The following SMR3A variants were observed in gnomAD, a reference collection of about 807,000 sequenced individuals.
The protein encoded by SMR3A is submaxillary gland androgen-regulated protein 3A.
For missense variants in SMR3A, 188 were observed against 163.0 expected (o/e 1.15, Z -0.84); for synonymous variants, 48 against 57.4 (o/e 0.84, Z 0.74).
In SMR3A at chr4:70,362,133, G is replaced by C. The variant is rs1343405749; in HGVS notation, c.18G>C (p.Trp6Cys). Reference sequence around the variant, plus strand: ...CTGAAAGGATGAAATCACTGACTTGGATCTTGGGCCTTTGGGCTCTTGCAG... The same window carrying C: ...CTGAAAGGATGAAATCACTGACTTGCATCTTGGGCCTTTGGGCTCTTGCAG... MKSLT[W>C]ILGLWALAAC... The change falls in exon 2 of 3, where the codon TGG becomes TGC. Residue 6 changes from tryptophan to cysteine, a missense_variant. Trp to Cys is a radical substitution (Grantham distance 215, BLOSUM62 -2). Transcript: ENST00000226460. 1 of 1,611,834 alleles carries C rather than the reference G, an allele frequency of 6.2e-7. No individual in the cohort carries two copies. The highest frequency in any genetic ancestry group is 8.5e-7 in the Non-Finnish European group (1 of 1,178,380).
intron 2 of SMR3A, among the ~76,000 whole-genome samples, chr4:70,363,033 C>T (rs1302904326): frequency 6.6e-6 from 1 of 151,900 alleles, no homozygotes; most frequent in Non-Finnish European, 1.5e-5. Context: ...CTTTGGCCAC[C>T]TTCCTGCATG....
rs373278324 is a variant in SMR3A at position 70,362,077 on chromosome 4, G to A, written c.-14-25G>A. Reference sequence around the variant, plus strand: ...CTTTTTAATAAAAAACAATCATACTGATCACCTATTGTGCTTACTTTCAGA... The same window carrying A: ...CTTTTTAATAAAAAACAATCATACTAATCACCTATTGTGCTTACTTTCAGA... On this transcript the variant is annotated intron_variant, in intron 1 of 2. Coordinates refer to ENST00000226460, the MANE Select transcript of SMR3A (RefSeq NM_012390.4). 1.5e-5 allele frequency: 24 copies of A among 1,610,318 alleles called. No individual in the cohort carries two copies. The Admixed American group carries it at 2.7e-4, about 18-fold the overall frequency.
At chr4:70,361,986 C>T in intron 1 of SMR3A, 116 bp from the exon 2 acceptor site, 2 of 1,469,016 alleles carry the variant, frequency 1.4e-6, no homozygotes, top group South Asian at 1.4e-5. Context: ...GGCAAATTTC[C>T]TAAAAAGGCT....
chr4:70,367,086 C>T lies in SMR3A; in HGVS notation c.*92C>T. The stretch of plus-strand genomic sequence containing the variant: ...TACTACCCAAAAATAAGAATTTCAA[C>T]ACTACTTCCAAGAGACTTTTAGATA... On this transcript the variant is annotated 3_prime_UTR_variant, in exon 3 of 3. Transcript: ENST00000226460. 9.3e-7 allele frequency: 1 copy of T among 1,080,346 alleles called. No individual in the cohort carries two copies. Among genetic ancestry groups the T allele is most frequent in the Non-Finnish European group, 1.4e-6 (1 of 734,558 alleles). The allele number at this position is 1,080,346 out of a possible 1,614,324, so 66.9% of individuals were successfully genotyped here. A position where few individuals can be genotyped will look rare whatever the true frequency, so the allele number is the denominator to read the frequency against.
intron 2 of SMR3A, among the ~76,000 whole-genome samples, chr4:70,364,211 CAG>C (rs1732211453): frequency 6.6e-6 from 1 of 151,994 alleles, no homozygotes. Context: ...CTTTTATAAA[CAG>C]GGAAATATCA....
At chr4:70,363,269 T>C (rs1006574366) in intron 2 of SMR3A, among the ~76,000 whole-genome samples, 3 of 151,928 alleles carry the variant, frequency 2.0e-5, no homozygotes, top group Admixed American at 6.6e-5. Context: ...TAAATAGAAA[T>C]GAGCCTTTTT....
chr4:70,365,005 T>C (rs1484216682), intron 2 of SMR3A, among the ~76,000 whole-genome samples: 2 of 151,940 alleles, frequency 1.3e-5, no homozygotes, highest in Non-Finnish European at 2.9e-5. Context: ...TTGTGCCCTA[T>C]ATAAACCATC....
intron 2 of SMR3A, among the ~76,000 whole-genome samples, chr4:70,362,647 AG>A (rs1732174099): frequency 6.6e-6 from 1 of 151,930 alleles, no homozygotes; most frequent in Non-Finnish European, 1.5e-5. Context: ...AAACATTTAT[AG>A]TAACACCTAC....
rs1732285797 is a variant in SMR3A, at chr4:70,367,115, T to C, written c.*121T>C. ...ACTTCCAAGAGACTTTTAGATAAAA[T>C]CACTTCCATTTTTGGATGAGAATAA... is the stretch of plus-strand genomic sequence containing the variant. On this transcript the variant is annotated 3_prime_UTR_variant, in exon 3 of 3. Coordinates refer to ENST00000226460, the MANE Select transcript of SMR3A (RefSeq NM_012390.4). The C allele has an allele frequency of 1.2e-6, 1 of 829,306 alleles. No homozygotes were observed. The allele number at this position is 829,306 out of a possible 1,614,324, so 51.4% of individuals were successfully genotyped here. A position where few individuals can be genotyped will look rare whatever the true frequency, so the allele number is the denominator to read the frequency against.
intron 1 of SMR3A, among the ~76,000 whole-genome samples, chr4:70,361,362 A>G (rs1732143062): frequency 6.6e-6 from 1 of 151,864 alleles, no homozygotes; most frequent in Non-Finnish European, 1.5e-5. Context: ...CATTTGTACA[A>G]TGGTGCATGG....
chr4:70,366,557 G>C, intron 2 of SMR3A, 87 bp from the exon 3 acceptor site: 11 of 1,280,522 alleles, frequency 8.6e-6, no homozygotes, highest in South Asian at 1.5e-5. Context: ...GGCCATCTCA[G>C]AGTTCTGCTT....
chr4:70,361,323 C>A (rs1732142625), intron 1 of SMR3A, among the ~76,000 whole-genome samples: 1 of 151,886 alleles, frequency 6.6e-6, no homozygotes, highest in Admixed American at 6.6e-5. Flanking sequence ...ACACACTCAA[C>A]CTATGTGCAG....
chr4:70,366,226 A>ATT (rs151158112), intron 2 of SMR3A, among the ~76,000 whole-genome samples: 2 of 148,856 alleles, frequency 1.3e-5, no homozygotes, highest in Non-Finnish European at 3.0e-5. Context: ...CCATTGCTGT[A>ATT]TTTTTTTTTT....
Position 70,362,139 on chromosome 4 carries a change from G to A in SMR3A, c.24G>A (p.Leu8=). 1 of 1,611,832 alleles carries A rather than the reference G, an allele frequency of 6.2e-7. No homozygotes were observed. Among genetic ancestry groups the A allele is most frequent in the Non-Finnish European group, 8.5e-7 (1 of 1,178,384 alleles). The change falls in exon 2 of 3, where the codon TTG becomes TTA. Residue 8 remains leucine (L), a synonymous_variant. Transcript: ENST00000226460. ...GGATGAAATCACTGACTTGGATCTTGGGCCTTTGGGCTCTTGCAGCGTGTT... is the reference window on the plus strand; with the variant it reads ...GGATGAAATCACTGACTTGGATCTTAGGCCTTTGGGCTCTTGCAGCGTGTT... MKSLTWI[L]GLWALAACFT...
At position 70,367,106 on chromosome 4, in the gene SMR3A, T is replaced by C; in HGVS notation, c.*112T>C. ...TTCAACACTACTTCCAAGAGACTTT[T>C]AGATAAAATCACTTCCATTTTTGGA... On this transcript the variant is annotated 3_prime_UTR_variant, in exon 3 of 3. Transcript: ENST00000226460. The C allele has an allele frequency of 1.1e-6, 1 of 904,332 alleles. No individual in the cohort carries two copies. The highest frequency in any genetic ancestry group is 1.7e-6 in the Non-Finnish European group (1 of 596,232). The allele number at this position is 904,332 out of a possible 1,614,324, so 56.0% of individuals were successfully genotyped here. A position where few individuals can be genotyped will look rare whatever the true frequency, so the allele number is the denominator to read the frequency against.
In SMR3A at chr4:70,366,746, C is replaced by T; in HGVS notation, c.157C>T (p.Pro53Ser). 1.2e-6 allele frequency: 2 copies of T among 1,612,302 alleles called. No homozygotes were observed. Among genetic ancestry groups the T allele is most frequent in the Non-Finnish European group, 1.7e-6 (2 of 1,178,610 alleles). ...FPFGTGFVPPPHPPPYGPGRF... is the reference protein window; with the variant it reads ...FPFGTGFVPPSHPPPYGPGRF... ...TTTTGGAACAGGATTTGTTCCACCACCCCATCCTCCACCCTATGGTCCAGG... is the reference window on the plus strand; with the variant it reads ...TTTTGGAACAGGATTTGTTCCACCATCCCATCCTCCACCCTATGGTCCAGG... The change falls in exon 3 of 3, where the codon CCC (proline) becomes TCC (serine). Residue 53 changes from proline (P) to serine (S), a missense_variant. Physicochemically the swap from Pro to Ser is moderately conservative, Grantham distance 74. Coordinates refer to ENST00000226460, the MANE Select transcript of SMR3A (RefSeq NM_012390.4).
rs1164947935 is a variant in SMR3A at position 70,366,695 on chromosome 4, G to GCT, written c.108_109dup (p.Pro37LeufsTer86). 2 of 1,612,804 alleles carry GCT rather than the reference G, an allele frequency of 1.2e-6. No homozygotes were observed. Among genetic ancestry groups the GCT allele is most frequent in the East Asian group, 4.5e-5 (2 of 44,802 alleles). The stretch of plus-strand genomic sequence containing the variant: ...GGGACCATATCCACCTGGACCACTG[G>GCT]CTCCTCCTCCTCCACCATGTTTTCC... On this transcript the variant is annotated frameshift_variant, in exon 3 of 3. Transcript: ENST00000226460. LOFTEE classifies it low-confidence loss of function (END_TRUNC).
chr4:70,366,997 A>T lies in SMR3A; in HGVS notation c.*3A>T, dbSNP rs778493855. The T allele has an allele frequency of 1.2e-6, 2 of 1,610,802 alleles. No homozygotes were observed. Among genetic ancestry groups the T allele is most frequent in the Non-Finnish European group, 1.7e-6 (2 of 1,177,850 alleles). ...CCCTCCCTACTCCTGCACCCTAAAT[A>T]CAGACAACTGCAACAGGTGCCACCA... On this transcript the variant is annotated 3_prime_UTR_variant, in exon 3 of 3. Coordinates refer to ENST00000226460, the MANE Select transcript of SMR3A (RefSeq NM_012390.4).
At position 70,366,782 on chromosome 4, in the gene SMR3A, C is replaced by T. The variant is rs769290102; in HGVS notation, c.193C>T (p.Pro65Ser). ...PPPYGPGRFP[P>S]PLSPPYGPGR... ...ACCCTATGGTCCAGGGAGATTTCCA[C>T]CACCCCTTTCTCCACCCTATGGTCC... The change falls in exon 3 of 3, where the codon CCA (proline) becomes TCA (serine). Residue 65 changes from proline (P) to serine (S), a missense_variant. By Grantham distance (74) the Pro-to-Ser change is moderately conservative (BLOSUM62 -1). Coordinates refer to ENST00000226460, the MANE Select transcript of SMR3A (RefSeq NM_012390.4). 5 of 1,613,468 alleles carry T rather than the reference C, an allele frequency of 3.1e-6. No individual in the cohort carries two copies. The highest frequency in any genetic ancestry group is 4.2e-6 in the Non-Finnish European group (5 of 1,179,728).
Sources: gnomAD v4.1 joint callset for allele counts (sites outside exome capture counted in the v4.1 genomes callset) on GRCh38, gnomAD v4.1.1 for gene constraint, MANE v1.5 for transcripts, NCBI Gene and HGNC (gene_info 2026-07-23, HGNC 2026-07-21) for gene names.